Variants in ERBB4 observed in about 807,000 individuals in gnomAD.
ERBB4 encodes erb-b2 receptor tyrosine kinase 4, also known as receptor tyrosine-protein kinase erbB-4.
In ERBB4, 42 loss-of-function variants were observed where a neutral mutation model predicts 158.0. The ratio of observed to expected loss-of-function variants is 0.27; its 90% CI spans 0.21 to 0.34. ERBB4 has a LOEUF of 0.34. Among genes scored for constraint, ERBB4 ranks in the 10% least tolerant of loss-of-function variants. The pLI is 1.00. For missense variants in ERBB4, 1,333 were observed against 1,624.1 expected, an observed-to-expected ratio of 0.82 and a Z score of 3.08; for synonymous variants, 583 against 558.7, an observed-to-expected ratio of 1.04 and a Z score of -0.61.
At chr2:211,776,527 C>A (rs1424057960) in intron 4 of ERBB4, among the ~76,000 whole-genome samples, 1 of 152,058 alleles carries the variant, frequency 6.6e-6, no homozygotes, top group Non-Finnish European at 1.5e-5. Context: ...TTACTAAGAG[C>A]TAATAAAAAA....
intron 20 of ERBB4, among the ~76,000 whole-genome samples, chr2:211,535,305 G>A (rs761138447): frequency 4.0e-5 from 6 of 151,860 alleles, no homozygotes; most frequent in Non-Finnish European, 8.8e-5. Flanking sequence ...TATATCTAAT[G>A]GACTCCTACC....
At chr2:211,597,345 T>C (rs1331195054) in intron 19 of ERBB4, among the ~76,000 whole-genome samples, 1 of 152,234 alleles carries the variant, frequency 6.6e-6, no homozygotes, top group Admixed American at 6.5e-5. Flanking sequence ...CCATCATTTG[T>C]ACATATTTTC....
At chr2:211,982,358 A>T (rs951440552) in intron 2 of ERBB4, among the ~76,000 whole-genome samples, 2 of 152,162 alleles carry the variant, frequency 1.3e-5, no homozygotes, top group Admixed American at 1.3e-4. Flanking sequence ...TGAGAAAGTG[A>T]TCTTTTAAAC....
chr2:212,351,925 A>G (rs2089269609), intron 1 of ERBB4, among the ~76,000 whole-genome samples: 1 of 152,180 alleles, frequency 6.6e-6, no homozygotes, highest in Non-Finnish European at 1.5e-5. Flanking sequence ...CTAAATGTCT[A>G]TCAGTGGTAG....
intron 1 of ERBB4, among the ~76,000 whole-genome samples, chr2:212,381,799 T>C (rs1201712280): frequency 6.6e-6 from 1 of 151,384 alleles, no homozygotes; most frequent in African/African-American, 2.4e-5. Context: ...CTTGAAAAAG[T>C]CAAAGCTCAG....
chr2:212,521,537 A>C (rs184992351), intron 1 of ERBB4, among the ~76,000 whole-genome samples: 1 of 151,996 alleles, frequency 6.6e-6, no homozygotes. Context: ...CTTTAAATTT[A>C]TGATGTTTCT....
intron 1 of ERBB4, among the ~76,000 whole-genome samples, chr2:212,525,274 G>A (rs142147103): frequency 6.6e-6 from 1 of 151,950 alleles, no homozygotes; most frequent in African/African-American, 2.4e-5. Flanking sequence ...ACCTTGACTG[G>A]TTACAAAATC....
chr2:212,279,997 T>A (rs769873407), intron 1 of ERBB4, among the ~76,000 whole-genome samples: 3 of 151,672 alleles, frequency 2.0e-5, no homozygotes, highest in African/African-American at 7.2e-5. Flanking sequence ...AAACAACATC[T>A]AGAATAATTT....
intron 1 of ERBB4, among the ~76,000 whole-genome samples, chr2:212,360,527 T>C (rs2089647994): frequency 6.6e-6 from 1 of 151,668 alleles, no homozygotes; most frequent in Admixed American, 6.6e-5. Flanking sequence ...TTGTAGCAAC[T>C]TTTTTATTAG....
Position 212,312,870 on chromosome 2 carries a change from C to T in ERBB4, c.83-187967G>A, listed in dbSNP as rs2087110145. ...TATTAATAAGGAAAAAAAATAAAAT[C>T]ATTTTGATTGTAAATTTTCAGAAAA... On this transcript the variant is annotated intron_variant, in intron 1 of 27. Transcript: ENST00000342788. Among the ~76,000 whole-genome samples the T allele has an allele frequency of 2.0e-5, 3 of 150,638 alleles. No homozygotes were observed. The South Asian group carries it at 6.2e-4, about 31-fold the overall frequency.
At chr2:212,174,159 G>A (rs1036349471) in intron 1 of ERBB4, among the ~76,000 whole-genome samples, 6 of 152,038 alleles carry the variant, frequency 3.9e-5, no homozygotes, top group African/African-American at 1.4e-4. Context: ...TCAGGGGAAA[G>A]GAGAAAAAGG....
intron 20 of ERBB4, among the ~76,000 whole-genome samples, chr2:211,534,906 G>C (rs11902471): frequency 0.69 from 104,438 of 151,930 alleles, 36,377 homozygotes; most frequent in East Asian, 0.8. Context: ...CCAGCAGCCA[G>C]TTGGAACTGC....
At chr2:212,409,520 G>C (rs1324396965) in intron 1 of ERBB4, among the ~76,000 whole-genome samples, 1 of 152,170 alleles carries the variant, frequency 6.6e-6, no homozygotes, top group Middle Eastern at 3.4e-3. Context: ...ATGTGTAAGT[G>C]AATTTTTTAG....
chr2:212,185,432 C>A lies in ERBB4; in HGVS notation c.83-60529G>T, dbSNP rs551450737. Among the ~76,000 whole-genome samples the A allele has an allele frequency of 2.2e-4, 34 of 151,820 alleles. 1 individual carries two copies. The highest frequency in any genetic ancestry group is 8.0e-4 in the African/African-American group (33 of 41,416). On this transcript the variant is annotated intron_variant, in intron 1 of 27. Transcript: ENST00000342788. ...AGATTACAGTTTTAACTATGGGTTTCAATTATTTTGATATTCAGAAATCAC... is the reference window on the plus strand; with the variant it reads ...AGATTACAGTTTTAACTATGGGTTTAAATTATTTTGATATTCAGAAATCAC...
chr2:211,907,357 C>T (rs2079422944), intron 3 of ERBB4, among the ~76,000 whole-genome samples: 1 of 151,250 alleles, frequency 6.6e-6, no homozygotes, highest in Non-Finnish European at 1.5e-5. Context: ...AAATTTTCCC[C>T]ACCTTTATGG....
At chr2:211,939,298 T>G (rs927253465) in intron 3 of ERBB4, among the ~76,000 whole-genome samples, 1 of 152,130 alleles carries the variant, frequency 6.6e-6, no homozygotes, top group Non-Finnish European at 1.5e-5. Flanking sequence ...TTCACCTGAT[T>G]AGCCACAAGA....
intron 19 of ERBB4, among the ~76,000 whole-genome samples, chr2:211,597,654 A>G (rs2068676868): frequency 1.8e-5 from 1 of 54,448 alleles, no homozygotes; most frequent in Non-Finnish European, 4.0e-5. Context: ...AAAATTACAC[A>G]ATACAAATTC....
At chr2:212,334,651 A>G (rs910536936) in intron 1 of ERBB4, among the ~76,000 whole-genome samples, 2 of 152,036 alleles carry the variant, frequency 1.3e-5, no homozygotes, top group Non-Finnish European at 2.9e-5. Context: ...TATAAGTATT[A>G]TATCAGTCTC....
chr2:211,900,956 C>T (rs2079218948), intron 3 of ERBB4, among the ~76,000 whole-genome samples: 1 of 152,128 alleles, frequency 6.6e-6, no homozygotes, highest in South Asian at 2.1e-4. Context: ...CATATTTACC[C>T]CTTCCACTAT....
Sources: allele counts gnomAD v4.1 joint callset (sites outside exome capture counted in the v4.1 genomes callset), GRCh38; gene constraint gnomAD v4.1.1; transcripts MANE v1.5; gene names NCBI Gene and HGNC (gene_info 2026-07-23, HGNC 2026-07-21).